AVEN: variants seen among roughly 807,000 people sequenced by gnomAD.
AVEN encodes the protein cell death regulator Aven.
Under a neutral mutation model 38.1 loss-of-function variants are expected in AVEN, and 41 were observed. The observed-to-expected ratio is 1.08, with a 90% CI of 0.84 to 1.40. AVEN has a LOEUF of 1.40. AVEN is among the 40% of genes most tolerant of loss of function. The pLI is 0.00. For synonymous variants in AVEN, 206 were observed against 171.8 expected (o/e 1.20, Z -1.56); for missense variants, 605 against 438.8 (o/e 1.38, Z -3.38).
chr15:33,964,233 T>A (rs1244168371), intron 2 of AVEN, among the ~76,000 whole-genome samples: 1 of 152,216 alleles, frequency 6.6e-6, no homozygotes, highest in Non-Finnish European at 1.5e-5. Flanking sequence ...CTGTTCCACT[T>A]ACTAGGGTAT....
chr15:33,961,694 TC>T (rs1895183077), intron 2 of AVEN, among the ~76,000 whole-genome samples: 1 of 150,374 alleles, frequency 6.7e-6, no homozygotes. Flanking sequence ...GCACCTGTAG[TC>T]CCAGCTACTC....
exon 1 of AVEN, among the ~76,000 whole-genome samples, chr15:34,074,523 T>G (rs765599148): frequency 2.0e-5 from 3 of 152,110 alleles, no homozygotes; most frequent in Non-Finnish European, 4.4e-5. Flanking sequence ...AGGATCTGTT[T>G]CAGGCCTCTC....
intron 1 of AVEN, among the ~76,000 whole-genome samples, chr15:34,033,834 G>A (rs1166299226): frequency 5.3e-5 from 8 of 152,204 alleles, no homozygotes; most frequent in Middle Eastern, 3.4e-3. Flanking sequence ...TGTCTCCAGG[G>A]TAAAGAGCAG....
At chr15:33,944,174 T>A in intron 2 of AVEN, among the ~76,000 whole-genome samples, 1 of 152,232 alleles carries the variant, frequency 6.6e-6, no homozygotes, top group East Asian at 1.9e-4. Context: ...AGTCTGAATG[T>A]GGTCACTGAA....
At chr15:33,933,725 G>A (rs1002084848) in intron 2 of AVEN, among the ~76,000 whole-genome samples, 2 of 152,174 alleles carry the variant, frequency 1.3e-5, no homozygotes, top group African/African-American at 4.8e-5. Flanking sequence ...TTGGGAGGAT[G>A]AGGCAGGCAG....
chr15:33,902,525 A>G (rs1203090924), intron 2 of AVEN, among the ~76,000 whole-genome samples: 1 of 152,236 alleles, frequency 6.6e-6, no homozygotes, highest in Non-Finnish European at 1.5e-5. Context: ...GATCCAGTAC[A>G]AGGCAGGGAT....
intron 3 of AVEN, among the ~76,000 whole-genome samples, chr15:33,871,774 C>CAAAAA (rs55793582): frequency 2.2e-5 from 2 of 91,586 alleles, no homozygotes; most frequent in South Asian, 3.8e-4. Context: ...CTAGTCTCCT[C>CAAAAA]AAAAAAAAAA....
chr15:34,043,607 G>A (rs558009436), upstream of AVEN, among the ~76,000 whole-genome samples: 326 of 152,266 alleles, frequency 2.1e-3, 1 homozygote, highest in African/African-American at 7.4e-3. Flanking sequence ...CTGTACTCTG[G>A]TGGAGAAAAG....
At chr15:33,906,911 T>G (rs1892725682) in intron 2 of AVEN, among the ~76,000 whole-genome samples, 1 of 152,172 alleles carries the variant, frequency 6.6e-6, no homozygotes, top group Non-Finnish European at 1.5e-5. Context: ...TTTAACACAA[T>G]TTTTAAAATG....
downstream of AVEN, chr15:33,858,140 C>G: frequency 3.5e-6 from 2 of 572,294 alleles, no homozygotes; most frequent in Admixed American, 3.2e-5. Flanking sequence ...ATCTAAGCCC[C>G]GTGGAAAGGG....
At chr15:33,892,049 T>C (rs1212647995) in intron 2 of AVEN, among the ~76,000 whole-genome samples, 3 of 152,266 alleles carry the variant, frequency 2.0e-5, no homozygotes, top group Non-Finnish European at 4.4e-5. Context: ...TGTCTGTTCA[T>C]ATCCTTTGCC....
intron 2 of AVEN, among the ~76,000 whole-genome samples, chr15:33,938,116 G>A (rs1484697195): frequency 6.6e-6 from 1 of 151,906 alleles, no homozygotes; most frequent in Non-Finnish European, 1.5e-5. Context: ...TGGAGCAACA[G>A]GTCTGAAATA....
In AVEN at chr15:33,916,979, A is replaced by C. The variant is rs138870053; in HGVS notation, c.446-40984T>G. 4.6e-3 allele frequency among the ~76,000 whole-genome samples: 700 copies of C among 152,156 alleles called. 6 individuals carry two copies. The highest frequency in any genetic ancestry group is 0.016 in the African/African-American group (678 of 41,504). On this transcript the variant is annotated intron_variant, in intron 2 of 5. Transcript: ENST00000306730. ...GAAAAGCCCCTTATAAAACCATCAG[A>C]TCTCATGAGAACTCACTGTCATGAG...
chr15:33,977,051 G>A (rs1440001670), intron 2 of AVEN, among the ~76,000 whole-genome samples: 1 of 152,140 alleles, frequency 6.6e-6, no homozygotes, highest in Non-Finnish European at 1.5e-5. Flanking sequence ...TTATGGCAAG[G>A]TTAATATCTT....
chr15:34,074,362 T>A (rs1275839517), intron 1 of AVEN, among the ~76,000 whole-genome samples: 1 of 152,194 alleles, frequency 6.6e-6, no homozygotes. Flanking sequence ...AATTTTAGAA[T>A]AACTGTGTTA....
intron 3 of AVEN, among the ~76,000 whole-genome samples, chr15:33,872,978 C>T (rs113840229): frequency 0.021 from 3,182 of 152,058 alleles, 86 homozygotes; most frequent in African/African-American, 0.065. Flanking sequence ...AAGTCCAAGC[C>T]GTGACGCCCG....
intron 1 of AVEN, among the ~76,000 whole-genome samples, chr15:34,018,781 T>G (rs1416082706): frequency 6.6e-6 from 1 of 152,212 alleles, no homozygotes; most frequent in African/African-American, 2.4e-5. Context: ...ATTGGTCCAT[T>G]TACAGAGTGC....
intron 1 of AVEN, among the ~76,000 whole-genome samples, chr15:34,035,696 T>C (rs1899082954): frequency 1.3e-5 from 2 of 152,258 alleles, no homozygotes; most frequent in Non-Finnish European, 2.9e-5. Flanking sequence ...GACTACCAGC[T>C]GGCCTTGTCT....
rs1185911927 is a variant in AVEN, at chr15:33,897,293, TA to T, written c.446-21299del. 1.6e-4 allele frequency among the ~76,000 whole-genome samples: 4 copies of T among 25,306 alleles called. No individual in the cohort carries two copies. The East Asian group carries it at 3.1e-3, about 20-fold the overall frequency. 16.6% of individuals were successfully genotyped at this position (25,306 alleles called of 152,430 possible). Reference sequence around the variant, plus strand: ...AAATTATACCTCAATAAACATAAATTAATTAATTAATTTATTTATTTTGAGA... The same window carrying T: ...AAATTATACCTCAATAAACATAAATTATTAATTAATTTATTTATTTTGAGA... On this transcript the variant is annotated intron_variant, in intron 2 of 5. Transcript: ENST00000306730.
Sources: allele counts gnomAD v4.1 joint callset (sites outside exome capture counted in the v4.1 genomes callset), GRCh38; gene constraint gnomAD v4.1.1; transcripts MANE v1.5; gene names NCBI Gene and HGNC (gene_info 2026-07-23, HGNC 2026-07-21).